ESPN: variants seen among roughly 807,000 people sequenced by gnomAD.
ESPN encodes the protein espin, also known as autosomal recessive deafness type 36 protein.
ESPN carries 68 observed loss-of-function variants against 77.7 expected under a neutral mutation model. That is an observed-to-expected ratio of 0.87 (90% CI 0.72 to 1.07). The LOEUF is 1.07. ESPN is among the 50% of genes least tolerant of loss of function. The pLI is 0.00. For missense variants in ESPN, 1,060 were observed against 1,239.0 expected (o/e 0.86, Z 2.17); for synonymous variants, 449 against 567.1 (o/e 0.79, Z 2.96).
At chr1:6,461,152 T>G, downstream of ESPN, 823 of 598,090 alleles carry the variant, frequency 1.4e-3, no homozygotes, top group East Asian at 2.5e-3. The surrounding 1 kb of genome is among the most constrained non-coding windows in gnomAD (Gnocchi z 6.3). Flanking sequence ...AAGAAGCCGT[T>G]TTTGTTTTGT....
At chr1:6,442,758 CT>C (rs35066669) in intron 5 of ESPN, among the ~76,000 whole-genome samples, 22,314 of 149,534 alleles carry the variant, frequency 0.15, 1,800 homozygotes, top group African/African-American at 0.18. Context: ...GTCCCAGCTA[CT>C]TGGGAGGCTG....
chr1:6,431,258 G>C (rs1385741209), intron 2 of ESPN, among the ~76,000 whole-genome samples: 1 of 152,208 alleles, frequency 6.6e-6, no homozygotes, highest in Admixed American at 6.5e-5. Context: ...TTCAGCAGGT[G>C]CCTCCTTCCC....
intron 2 of ESPN, among the ~76,000 whole-genome samples, chr1:6,434,211 G>T (rs1228799210): frequency 6.6e-6 from 1 of 152,110 alleles, no homozygotes; most frequent in East Asian, 1.9e-4. Flanking sequence ...CCTCCCAGCT[G>T]CCCTATGGTT....
At chr1:6,440,596 C>CCCCCCCCAAAG in intron 3 of ESPN, 30 bp from the exon 4 acceptor site, 1 of 1,127,586 alleles carries the variant, frequency 8.9e-7, no homozygotes, top group Non-Finnish European at 1.2e-6. Flanking sequence ...GCCCAGCCCC[C>CCCCCCCCAAAG]GCCCCCCTCT....
At chr1:6,445,571 C>G (rs1405411422) in intron 6 of ESPN, 93 bp from the exon 7 acceptor site, 1 of 1,431,382 alleles carries the variant, frequency 7.0e-7, no homozygotes, top group African/African-American at 1.4e-5. Flanking sequence ...CCTTGCCCCT[C>G]GGCAAGTTGT....
At chr1:6,457,071 T>C in intron 10 of ESPN, 113 bp from the exon 11 acceptor site, 1 of 1,040,834 alleles carries the variant, frequency 9.6e-7, no homozygotes, top group Admixed American at 2.0e-5. Context: ...GTCACACAGA[T>C]GTGCATCAAA....
rs61780710 is a variant in ESPN at position 6,437,015 on chromosome 1, T to C, written c.489-3239T>C. Among the ~76,000 whole-genome samples the C allele has an allele frequency of 0.064, 9,604 of 150,676 alleles. 376 individuals are homozygous for C. Among genetic ancestry groups the C allele is most frequent in the East Asian group, 0.15 (756 of 4,980 alleles). On this transcript the variant is annotated intron_variant, in intron 2 of 12. Coordinates refer to ENST00000645284, the MANE Select transcript of ESPN (RefSeq NM_031475.3). The surrounding 1 kb of genome is among the most constrained non-coding windows in gnomAD (Gnocchi z 4.5). ...CTCCCCCTCAGCCCATCAGCATATC[T>C]GTCCCATGTTCTGGGGTATTCCAAG...
At chr1:6,448,545 C>T in intron 7 of ESPN, 96 bp from the exon 8 acceptor site, 13 of 1,141,090 alleles carry the variant, frequency 1.1e-5, no homozygotes, top group Middle Eastern at 2.8e-4. Context: ...CGGCCGCTGG[C>T]CGCGAGTCCC....
chr1:6,444,086 C>T lies in ESPN; in HGVS notation c.991-395C>T, dbSNP rs1055007462. 2.0e-5 allele frequency among the ~76,000 whole-genome samples: 3 copies of T among 152,230 alleles called. No individual in the cohort carries two copies. In the East Asian group the frequency reaches 5.8e-4, roughly 29 times the overall value. ...CCCCAGGTCCAGCAAGGAGAGCCGG[C>T]TTGCCAGCCAGGTAACTAGGGATGG... On this transcript the variant is annotated intron_variant, in intron 5 of 12. Transcript: ENST00000645284.
At position 6,440,828 on chromosome 1, in the gene ESPN, G is replaced by C; in HGVS notation, c.858+20G>C. ...CTAGAGGTCAGCGCGGGCCCGGGGT[G>C]GGGGCGCGCGCCCTCTGCTGGCACC... On this transcript the variant is annotated intron_variant, in intron 4 of 12. Transcript: ENST00000645284. The C allele has an allele frequency of 1.4e-6, 2 of 1,456,382 alleles. No homozygotes were observed. Among genetic ancestry groups the C allele is most frequent in the Non-Finnish European group, 1.8e-6 (2 of 1,114,640 alleles). The allele number at this position is 1,456,382 out of a possible 1,614,324, so 90.2% of individuals were successfully genotyped here. A position where few individuals can be genotyped will look rare whatever the true frequency, so the allele number is the denominator to read the frequency against.
chr1:6,434,506 A>G (rs1174069566), intron 2 of ESPN, among the ~76,000 whole-genome samples: 4 of 152,140 alleles, frequency 2.6e-5, no homozygotes, highest in African/African-American at 4.8e-5. Context: ...CCTATAGCTC[A>G]TTGCATGTGA....
At chr1:6,425,715 C>T (rs1290774757) in intron 1 of ESPN, among the ~76,000 whole-genome samples, 3 of 152,284 alleles carry the variant, frequency 2.0e-5, no homozygotes, top group Middle Eastern at 3.4e-3. Context: ...GGTGATGAGC[C>T]GTGGTAAATG....
At chr1:6,441,576 A>G (rs1267100862) in intron 5 of ESPN, among the ~76,000 whole-genome samples, 2 of 152,178 alleles carry the variant, frequency 1.3e-5, no homozygotes, top group East Asian at 3.8e-4. Context: ...CTGGAAACCC[A>G]CGCTACTCTT....
intron 5 of ESPN, among the ~76,000 whole-genome samples, chr1:6,441,731 C>T (rs561775529): frequency 3.3e-5 from 5 of 152,210 alleles, no homozygotes; most frequent in South Asian, 4.1e-4. Flanking sequence ...GAGTGGGCCT[C>T]GCAGTCAACC....
intron 10 of ESPN, among the ~76,000 whole-genome samples, chr1:6,453,518 C>T (rs1043231150): frequency 6.6e-6 from 1 of 152,076 alleles, no homozygotes; most frequent in Non-Finnish European, 1.5e-5. Context: ...GGAGAGTGGG[C>T]TGAAGAGCCG....
chr1:6,446,074 C>G (rs988211831), intron 7 of ESPN, 139 bp downstream of exon 7: 1 of 832,512 alleles, frequency 1.2e-6, no homozygotes, highest in East Asian at 2.6e-5. Flanking sequence ...AGTCAAAGCT[C>G]CTGGCGAGTC....
chr1:6,460,064 G>A lies in ESPN; in HGVS notation c.2483G>A (p.Arg828Gln), dbSNP rs778527940. Residue 828 changes from arginine (R) to glutamine (Q), a missense_variant, in exon 13 of 13, where the codon CGG becomes CAG. By Grantham distance (43) the Arg-to-Gln change is conservative. Around this residue, in one of 3 missense-constraint regions of ESPN, gnomAD observed 374 missense variants for 381.4 expected, o/e 0.98. Transcript: ENST00000645284. ...RREKEQSEKL[R>Q]TLGYDESKLA... ...GAGAAGGAACAGTCAGAGAAGCTGC[G>A]GACGCTGGGCTACGATGAGAGCAAG... 3 of 1,613,560 alleles carry A rather than the reference G, an allele frequency of 1.9e-6. No homozygotes were observed. The highest frequency in any genetic ancestry group is 1.7e-4 in the Middle Eastern group (1 of 5,938).
At chr1:6,440,209 G>A (rs570991751) in intron 2 of ESPN, 45 bp from the exon 3 acceptor site, 3 of 1,532,736 alleles carry the variant, frequency 2.0e-6, no homozygotes, top group East Asian at 2.5e-5. Flanking sequence ...GGCCTCGGAG[G>A]GGGTGAGGCG....
chr1:6,440,554 A>G (rs1362288390), intron 3 of ESPN, 72 bp from the exon 4 acceptor site: 3 of 606,962 alleles, frequency 4.9e-6, no homozygotes, highest in African/African-American at 8.4e-5. Flanking sequence ...CGGGCCACGG[A>G]GGTACAGGGG....
Sources: allele counts gnomAD v4.1 joint callset (sites outside exome capture counted in the v4.1 genomes callset), GRCh38; gene constraint gnomAD v4.1.1; regional missense constraint gnomAD v4.1.1; non-coding constraint Gnocchi (gnomAD v3.1); transcripts MANE v1.5; gene names NCBI Gene and HGNC (gene_info 2026-07-23, HGNC 2026-07-21).